JDP2: variants seen among roughly 807,000 people sequenced by gnomAD.
JDP2 encodes Jun dimerization protein 2.
Under a neutral mutation model 17.1 loss-of-function variants are expected in JDP2, and 9 were observed. That is an observed-to-expected ratio of 0.53 (90% CI 0.32 to 0.92). The LOEUF is 0.92. Ranked by LOEUF, JDP2 falls within the 40% of genes least tolerant of loss-of-function variation. The pLI is 0.04. For missense variants in JDP2, 179 were observed against 220.0 expected (o/e 0.81, Z 1.18); for synonymous variants, 107 against 95.6 (o/e 1.12, Z -0.69).
intron 2 of JDP2, among the ~76,000 whole-genome samples, chr14:75,451,218 TGGCTG>T (rs1885844354): frequency 6.6e-6 from 1 of 150,482 alleles, no homozygotes; most frequent in Admixed American, 6.6e-5. Context: ...ATCCTTCCGA[TGGCTG>T]GGATGGAGGA....
chr14:75,443,868 G>T (rs1885470240), intron 2 of JDP2, among the ~76,000 whole-genome samples: 1 of 151,832 alleles, frequency 6.6e-6, no homozygotes, highest in Non-Finnish European at 1.5e-5. Context: ...ATATCTTAAA[G>T]TGAGGATAAT....
intron 2 of JDP2, among the ~76,000 whole-genome samples, chr14:75,459,770 G>C (rs998226317): frequency 6.6e-6 from 1 of 152,210 alleles, no homozygotes; most frequent in Non-Finnish European, 1.5e-5. Context: ...CCCCAGCCCA[G>C]CTGGTCCTGG....
chr14:75,461,363 C>G (rs1417891189), intron 2 of JDP2, 63 bp from the exon 3 acceptor site: 31 of 1,247,876 alleles, frequency 2.5e-5, no homozygotes, highest in Non-Finnish European at 3.6e-5. Context: ...GTCTATGTGT[C>G]AGGACAGAAA....
intron 3 of JDP2, among the ~76,000 whole-genome samples, chr14:75,465,755 A>G (rs1488951428): frequency 6.6e-6 from 1 of 152,220 alleles, no homozygotes; most frequent in Non-Finnish European, 1.5e-5. Context: ...AAGCCAGGAC[A>G]CCCAGCCCTT....
chr14:75,459,767 C>G (rs371927975), intron 2 of JDP2, among the ~76,000 whole-genome samples: 1 of 152,158 alleles, frequency 6.6e-6, no homozygotes, highest in East Asian at 1.9e-4. Flanking sequence ...TGTCCCCAGC[C>G]CAGCTGGTCC....
intron 1 of JDP2, among the ~76,000 whole-genome samples, chr14:75,433,195 CA>C (rs780191475): frequency 0.15 from 2,792 of 19,000 alleles, 1 homozygote; most frequent in Non-Finnish European, 0.16. Context: ...AACTCCGTCT[CA>C]AAAAAAAAAA....
chr14:75,427,843 G>C (rs942613359), upstream of JDP2: 4 of 151,972 alleles, frequency 2.6e-5, no homozygotes, highest in African/African-American at 9.7e-5. The surrounding 1 kb of genome is among the most constrained non-coding windows in gnomAD (Gnocchi z 4.4). Flanking sequence ...CGGCGGGGGA[G>C]GTTAAGGTCA....
chr14:75,448,579 CTG>C (rs1885713860), intron 2 of JDP2, among the ~76,000 whole-genome samples: 1 of 152,234 alleles, frequency 6.6e-6, no homozygotes, highest in Admixed American at 6.5e-5. Context: ...TTCCCCGAAT[CTG>C]TGTAAGGCAG....
At position 75,428,992 on chromosome 14, in the gene JDP2, C is replaced by A. The variant is rs1884665771; in HGVS notation, c.-24+740C>A. 1.3e-5 allele frequency among the ~76,000 whole-genome samples: 2 copies of A among 151,948 alleles called. No homozygotes were observed. The highest frequency in any genetic ancestry group is 4.2e-4 in the South Asian group (2 of 4,804). On this transcript the variant is annotated intron_variant, in intron 1 of 3. Coordinates refer to ENST00000651602, the MANE Select transcript of JDP2 (RefSeq NM_001135048.2). The surrounding 1 kb of genome is among the most constrained non-coding windows in gnomAD (Gnocchi z 5.6). Reference sequence around the variant, plus strand: ...CTTAGAAGGCTCTCCTCTGCTCCTCCCTTCAAAGGAGGTTGTCGAGGGGTA... The same window carrying A: ...CTTAGAAGGCTCTCCTCTGCTCCTCACTTCAAAGGAGGTTGTCGAGGGGTA...
At chr14:75,435,829 G>T (rs530500417) in intron 1 of JDP2, among the ~76,000 whole-genome samples, 1 of 152,160 alleles carries the variant, frequency 6.6e-6, no homozygotes, top group African/African-American at 2.4e-5. Flanking sequence ...AAGAGGACCG[G>T]GTATGGGAGG....
intron 2 of JDP2, among the ~76,000 whole-genome samples, chr14:75,458,041 G>A (rs1011441769): frequency 4.9e-4 from 74 of 152,318 alleles, no homozygotes; most frequent in Admixed American, 4.8e-3. Context: ...ACCAGGTGCC[G>A]GGAATGCTCA....
intron 2 of JDP2, among the ~76,000 whole-genome samples, chr14:75,458,958 A>T (rs962143684): frequency 2.0e-5 from 3 of 152,218 alleles, no homozygotes; most frequent in African/African-American, 7.2e-5. Flanking sequence ...CCTGGGCCTC[A>T]GCCTGGCCCA....
chr14:75,471,917 T>C lies in JDP2; in HGVS notation c.*2442T>C, dbSNP rs1886822205. ...TACCAGGGTCCCTCCAGTGACCTAG[T>C]GGATGTTCTTACAGGACTGCCGTGT... On this transcript the variant is annotated 3_prime_UTR_variant, in exon 4 of 4. Transcript: ENST00000651602. The C allele has an allele frequency of 6.6e-6, 1 of 152,250 alleles. No individual in the cohort carries two copies. Among genetic ancestry groups the C allele is most frequent in the Non-Finnish European group, 1.5e-5 (1 of 68,062 alleles). The allele number at this position is 152,250 out of a possible 1,614,324, so 9.4% of individuals were successfully genotyped here.
intron 3 of JDP2, among the ~76,000 whole-genome samples, 192 bp downstream of exon 3, chr14:75,461,722 C>T (rs1372581839): frequency 6.6e-6 from 1 of 152,196 alleles, no homozygotes; most frequent in Non-Finnish European, 1.5e-5. Flanking sequence ...CAACCAAGGG[C>T]AGCCTTCAGC....
At chr14:75,431,755 T>C (rs1352149257) in intron 1 of JDP2, among the ~76,000 whole-genome samples, 1 of 152,174 alleles carries the variant, frequency 6.6e-6, no homozygotes, top group Non-Finnish European at 1.5e-5. Context: ...GAGAATCCTC[T>C]GGGGAGAATC....
intron 1 of JDP2, among the ~76,000 whole-genome samples, chr14:75,437,337 T>C (rs1182351771): frequency 1.3e-5 from 2 of 152,216 alleles, no homozygotes; most frequent in Non-Finnish European, 2.9e-5. Flanking sequence ...TCAGGGTGTC[T>C]TAACAAATAT....
At chr14:75,447,889 C>A (rs1476608253) in intron 2 of JDP2, among the ~76,000 whole-genome samples, 1 of 152,148 alleles carries the variant, frequency 6.6e-6, no homozygotes, top group East Asian at 1.9e-4. Context: ...AACTCCTGAG[C>A]TCAAAGTGAT....
intron 2 of JDP2, among the ~76,000 whole-genome samples, chr14:75,458,850 G>C (rs1886224991): frequency 6.6e-6 from 1 of 152,244 alleles, no homozygotes; most frequent in Non-Finnish European, 1.5e-5. Context: ...AAGGCTGAGA[G>C]GGCCTGGCTG....
chr14:75,436,056 T>C (rs761115940), intron 1 of JDP2, among the ~76,000 whole-genome samples: 2 of 152,182 alleles, frequency 1.3e-5, no homozygotes, highest in African/African-American at 2.4e-5. Context: ...AGGGTGCAAG[T>C]TACTCACATG....
Sources: allele counts gnomAD v4.1 joint callset (sites outside exome capture counted in the v4.1 genomes callset), GRCh38; gene constraint gnomAD v4.1.1; non-coding constraint Gnocchi (gnomAD v3.1); transcripts MANE v1.5; gene names NCBI Gene and HGNC (gene_info 2026-07-23, HGNC 2026-07-21).